YAF2: variants seen among roughly 807,000 people sequenced by gnomAD.
The protein encoded by YAF2 is YY1-associated factor 2.
In YAF2, 7 loss-of-function variants were observed where a neutral mutation model predicts 20.1. The ratio of observed to expected loss-of-function variants is 0.35; its 90% CI spans 0.20 to 0.65. YAF2 has a LOEUF of 0.65. Among genes scored for constraint, YAF2 ranks in the 30% least tolerant of loss-of-function variants. YAF2 has a pLI of 0.69. For synonymous variants in YAF2, 74 were observed against 76.0 expected, an observed-to-expected ratio of 0.97 and a Z score of 0.14; for missense variants, 151 against 219.2, an observed-to-expected ratio of 0.69 and a Z score of 1.96.
At chr12:42,192,269 A>G (rs2066633252) in intron 2 of YAF2, among the ~76,000 whole-genome samples, 1 of 151,754 alleles carries the variant, frequency 6.6e-6, no homozygotes, top group Admixed American at 6.6e-5. Context: ...ACAGTTTGGG[A>G]AGCTGAGGCA....
At chr12:42,164,790 C>T (rs73127430) in intron 2 of YAF2, among the ~76,000 whole-genome samples, 185 of 152,168 alleles carry the variant, frequency 1.2e-3, no homozygotes, top group Non-Finnish European at 2.3e-3. Context: ...CTGTTTACAA[C>T]CAAGCGTGGT....
chr12:42,210,514 G>C lies in YAF2; in HGVS notation c.152+27085C>G, dbSNP rs1283324831. ...AAAGTTTGGGGGAGGGGATTTGGGA[G>C]ATGCTAGAGACATGCTTCAGTGCAC... On this transcript the variant is annotated intron_variant, in intron 2 of 3. Transcript: ENST00000534854. 2.0e-6 allele frequency: 3 copies of C among 1,535,862 alleles called. No homozygotes were observed. In the East Asian group the frequency reaches 7.3e-5, roughly 38 times the overall value.
At chr12:42,205,850 G>T in intron 2 of YAF2, 1 of 400,702 alleles carries the variant, frequency 2.5e-6, no homozygotes, top group Non-Finnish European at 5.0e-6. Flanking sequence ...TACCATTTTT[G>T]TGCATCCCTC....
chr12:42,174,834 T>C (rs919327142), intron 2 of YAF2, among the ~76,000 whole-genome samples: 1 of 152,206 alleles, frequency 6.6e-6, no homozygotes, highest in Non-Finnish European at 1.5e-5. Flanking sequence ...ATAGAATATT[T>C]GTAAAAATAA....
chr12:42,206,567 C>T (rs1375745259), intron 2 of YAF2, among the ~76,000 whole-genome samples: 2 of 151,630 alleles, frequency 1.3e-5, no homozygotes, highest in East Asian at 1.9e-4. Context: ...CGAGATAGCG[C>T]CACTGCACTC....
intron 2 of YAF2, among the ~76,000 whole-genome samples, chr12:42,197,614 T>C (rs940613012): frequency 2.0e-5 from 3 of 152,052 alleles, no homozygotes; most frequent in Non-Finnish European, 4.4e-5. Flanking sequence ...GGAATAGAGG[T>C]GGTGTAACAA....
chr12:42,189,776 G>A (rs2066567220), intron 2 of YAF2, among the ~76,000 whole-genome samples: 1 of 151,846 alleles, frequency 6.6e-6, no homozygotes, highest in Admixed American at 6.6e-5. Flanking sequence ...ATATTAGATG[G>A]GGTTTCATAA....
At chr12:42,201,345 C>A (rs980913164) in intron 2 of YAF2, among the ~76,000 whole-genome samples, 2 of 152,186 alleles carry the variant, frequency 1.3e-5, no homozygotes, top group African/African-American at 4.8e-5. Context: ...ATAGCTCGTA[C>A]GTTTTCAACT....
At chr12:42,188,882 C>A (rs909655760) in intron 2 of YAF2, among the ~76,000 whole-genome samples, 1 of 152,120 alleles carries the variant, frequency 6.6e-6, no homozygotes, top group Non-Finnish European at 1.5e-5. Flanking sequence ...CTTATCTCAT[C>A]ATGGAGTCTC....
chr12:42,217,586 A>G (rs1334208257), intron 2 of YAF2, among the ~76,000 whole-genome samples: 1 of 152,146 alleles, frequency 6.6e-6, no homozygotes, highest in Non-Finnish European at 1.5e-5. Context: ...TTTTAAAAAT[A>G]TTATTACAAT....
At chr12:42,176,630 T>G (rs1194123196) in intron 2 of YAF2, among the ~76,000 whole-genome samples, 2 of 152,146 alleles carry the variant, frequency 1.3e-5, no homozygotes, top group African/African-American at 4.8e-5. Context: ...ATTGAATGCT[T>G]TCTTACCACC....
chr12:42,170,190 AAGTC>A (rs1277350150), intron 2 of YAF2, among the ~76,000 whole-genome samples: 1 of 152,038 alleles, frequency 6.6e-6, no homozygotes, highest in African/African-American at 2.4e-5. Flanking sequence ...TGTTTTTGAT[AAGTC>A]AGTCAGTCAC....
chr12:42,176,501 A>T (rs2066197091), intron 2 of YAF2, among the ~76,000 whole-genome samples: 1 of 152,174 alleles, frequency 6.6e-6, no homozygotes, highest in South Asian at 2.1e-4. Context: ...CTAGCACTTC[A>T]TTCTTCCAGT....
chr12:42,235,430 T>C (rs1387948440), intron 2 of YAF2: 3 of 1,088,424 alleles, frequency 2.8e-6, no homozygotes, highest in South Asian at 3.0e-5. Context: ...CTAGTAACAA[T>C]ACCCTGTTCC....
chr12:42,222,215 C>G (rs1036923341), intron 2 of YAF2, among the ~76,000 whole-genome samples: 31 of 152,056 alleles, frequency 2.0e-4, no homozygotes, highest in Non-Finnish European at 1.2e-4. Flanking sequence ...TTAAGGAAAA[C>G]ATACCTTAAA....
chr12:42,167,181 C>T (rs1369075218), intron 2 of YAF2, among the ~76,000 whole-genome samples: 2 of 151,922 alleles, frequency 1.3e-5, no homozygotes. Flanking sequence ...GGACAAATAC[C>T]TAATGCATGC....
At chr12:42,200,981 C>A (rs1228642090) in intron 2 of YAF2, among the ~76,000 whole-genome samples, 1 of 152,116 alleles carries the variant, frequency 6.6e-6, no homozygotes, top group Non-Finnish European at 1.5e-5. Context: ...AGGATTACAA[C>A]AGTTAAGATT....
At position 42,158,517 on chromosome 12, in the gene YAF2, T is replaced by C. The variant is rs1314119273; in HGVS notation, c.*2072A>G. On this transcript the variant is annotated 3_prime_UTR_variant, in exon 4 of 4. Coordinates refer to ENST00000534854, the MANE Select transcript of YAF2 (RefSeq NM_005748.6). ...ATTGACTTAATCCTCCCAAAAACCC[T>C]ATAAATTAGATGTGATTACCATTAT... 1 of 152,200 alleles carries C rather than the reference T, an allele frequency of 6.6e-6. No individual in the cohort carries two copies. Among genetic ancestry groups the C allele is most frequent in the Non-Finnish European group, 1.5e-5 (1 of 68,026 alleles). The allele number at this position is 152,200 out of a possible 1,614,324, so 9.4% of individuals were successfully genotyped here.
chr12:42,233,216 A>G, intron 2 of YAF2: 2 of 985,386 alleles, frequency 2.0e-6, no homozygotes, highest in African/African-American at 3.5e-5. Flanking sequence ...GCTCTCTAAA[A>G]TAACACCTAT....
Sources: gnomAD v4.1 joint callset for allele counts (sites outside exome capture counted in the v4.1 genomes callset) on GRCh38, gnomAD v4.1.1 for gene constraint, MANE v1.5 for transcripts, NCBI Gene and HGNC (gene_info 2026-07-23, HGNC 2026-07-21) for gene names.